The following RGS6 variants were observed in gnomAD, a reference collection of about 807,000 sequenced individuals.
The protein encoded by RGS6 is regulator of G-protein signaling 6.
In RGS6, 30 loss-of-function variants were observed where a neutral mutation model predicts 78.5. The ratio of observed to expected loss-of-function variants is 0.38; its 90% confidence interval spans 0.29 to 0.52. The LOEUF is 0.52. Among genes scored for constraint, RGS6 ranks in the 20% least tolerant of loss-of-function variants. The pLI is 0.85. For synonymous variants in RGS6, 206 were observed against 206.0 expected (o/e 1.00, Z 0.00); for missense variants, 495 against 609.7 (o/e 0.81, Z 1.98).
At chr14:72,057,367 A>T (rs994952908) in intron 2 of RGS6, among the ~76,000 whole-genome samples, 3 of 145,180 alleles carry the variant, frequency 2.1e-5, no homozygotes, top group African/African-American at 7.7e-5. Context: ...AGGCACATTT[A>T]TGTCTACCTA....
At chr14:72,173,490 C>G (rs1386988363) in intron 2 of RGS6, among the ~76,000 whole-genome samples, 1 of 152,222 alleles carries the variant, frequency 6.6e-6, no homozygotes, top group East Asian at 1.9e-4. Flanking sequence ...ACGGCAGGAT[C>G]AGATGCCATC....
At chr14:72,541,605 G>A (rs976894860) in intron 17 of RGS6, 4 of 1,535,648 alleles carry the variant, frequency 2.6e-6, no homozygotes, top group South Asian at 1.2e-5. Flanking sequence ...TTCACTCCAT[G>A]ATGGCCTGAG....
At chr14:72,207,924 G>A in intron 2 of RGS6, among the ~76,000 whole-genome samples, 1 of 152,318 alleles carries the variant, frequency 6.6e-6, no homozygotes, top group Non-Finnish European at 1.5e-5. Context: ...TGGAGGAAGT[G>A]AATGAATATC....
In RGS6 at chr14:72,410,665, T is replaced by A. The variant is rs1042985187; in HGVS notation, c.185-43863T>A. Among the ~76,000 whole-genome samples, 230 of 152,310 alleles carry A rather than the reference T, an allele frequency of 1.5e-3. 2 individuals are homozygous for A. The highest frequency in any genetic ancestry group is 2.5e-3 in the Non-Finnish European group (172 of 68,014). On this transcript the variant is annotated intron_variant, in intron 3 of 17. Coordinates refer to ENST00000553525, the MANE Select transcript of RGS6 (RefSeq NM_001204424.2). ...GCCCACGCCTATGTCCTGAATGGTATTGCCTAGGTTTTCTTGTAGGGTTTT... is the reference window on the plus strand; with the variant it reads ...GCCCACGCCTATGTCCTGAATGGTAATGCCTAGGTTTTCTTGTAGGGTTTT...
chr14:72,490,542 T>C (rs1357536929), intron 12 of RGS6, among the ~76,000 whole-genome samples: 1 of 152,208 alleles, frequency 6.6e-6, no homozygotes, highest in African/African-American at 2.4e-5. Flanking sequence ...TTTATATTTG[T>C]AGAGGATTGT....
At chr14:72,509,945 C>T (rs548250284) in intron 13 of RGS6, among the ~76,000 whole-genome samples, 2 of 152,286 alleles carry the variant, frequency 1.3e-5, no homozygotes, top group Admixed American at 1.3e-4. Flanking sequence ...TAACATGCCT[C>T]CTTAAAGAAA....
At chr14:72,126,962 T>C (rs2096209683) in intron 2 of RGS6, among the ~76,000 whole-genome samples, 1 of 152,198 alleles carries the variant, frequency 6.6e-6, no homozygotes, top group Admixed American at 6.5e-5. Context: ...GGTGGGGAAC[T>C]GGGGAGGCAT....
At chr14:71,994,124 G>A (rs886196266) in intron 2 of RGS6, among the ~76,000 whole-genome samples, 2 of 151,942 alleles carry the variant, frequency 1.3e-5, no homozygotes, top group Admixed American at 6.6e-5. Context: ...TGGGCAAACA[G>A]ACCTGATCCA....
At chr14:72,555,728 C>T (rs2097565341) in intron 17 of RGS6, among the ~76,000 whole-genome samples, 1 of 152,350 alleles carries the variant, frequency 6.6e-6, no homozygotes, top group African/African-American at 2.4e-5. Flanking sequence ...AGTCTGTTTC[C>T]TTGTTCGTTT....
chr14:72,266,875 C>T (rs1232479031), intron 2 of RGS6, among the ~76,000 whole-genome samples: 2 of 152,214 alleles, frequency 1.3e-5, no homozygotes, highest in African/African-American at 4.8e-5. Context: ...TCCTGCGGTG[C>T]AGCACCTCAG....
intron 12 of RGS6, among the ~76,000 whole-genome samples, chr14:72,492,714 C>T (rs528263318): frequency 7.9e-5 from 12 of 152,244 alleles, no homozygotes; most frequent in Admixed American, 3.3e-4. Flanking sequence ...AGCCCCTCCC[C>T]GACCCTGCTC....
chr14:72,262,564 A>C (rs950107323), intron 2 of RGS6, among the ~76,000 whole-genome samples: 1 of 152,224 alleles, frequency 6.6e-6, no homozygotes, highest in Non-Finnish European at 1.5e-5. Flanking sequence ...TTAAGGTTTC[A>C]ACATATAAAT....
At chr14:72,550,809 T>G in intron 17 of RGS6, 1 of 523,390 alleles carries the variant, frequency 1.9e-6, no homozygotes. Flanking sequence ...GCTTGCTTGC[T>G]TGCTTTTTGT....
At chr14:72,241,858 A>G (rs1045664888) in intron 2 of RGS6, among the ~76,000 whole-genome samples, 1 of 152,256 alleles carries the variant, frequency 6.6e-6, no homozygotes. Context: ...CCAGTCCACT[A>G]GAAACATTCC....
the RGS6 span, among the ~76,000 whole-genome samples, chr14:71,917,076 G>T: frequency 2.6e-5 from 4 of 152,198 alleles, no homozygotes; most frequent in Non-Finnish European, 4.4e-5. Flanking sequence ...CTTTGGGACT[G>T]CACTCATGGG....
At chr14:72,517,861 T>C (rs2096973133) in intron 14 of RGS6, among the ~76,000 whole-genome samples, 1 of 152,214 alleles carries the variant, frequency 6.6e-6, no homozygotes, top group South Asian at 2.1e-4. Flanking sequence ...CATGGTGGCA[T>C]GTATGTAGCA....
At chr14:71,961,477 G>A (rs563705115) in intron 1 of RGS6, among the ~76,000 whole-genome samples, 2 of 152,150 alleles carry the variant, frequency 1.3e-5, no homozygotes, top group South Asian at 2.1e-4. Context: ...TGGGGCTATG[G>A]TGTGTGACAG....
chr14:72,515,160 AG>A (rs1229015485), intron 14 of RGS6, among the ~76,000 whole-genome samples: 1 of 152,114 alleles, frequency 6.6e-6, no homozygotes, highest in Non-Finnish European at 1.5e-5. Flanking sequence ...GAGAGTCCCC[AG>A]TGTGTGCAGG....
chr14:72,239,577 A>G (rs2052200753), intron 2 of RGS6, among the ~76,000 whole-genome samples: 1 of 152,118 alleles, frequency 6.6e-6, no homozygotes, highest in African/African-American at 2.4e-5. Context: ...CTGTCTAACT[A>G]CCTGTAACAC....
Sources: gnomAD v4.1 joint callset for allele counts (sites outside exome capture counted in the v4.1 genomes callset) on GRCh38, gnomAD v4.1.1 for gene constraint, MANE v1.5 for transcripts, NCBI Gene and HGNC (gene_info 2026-07-23, HGNC 2026-07-21) for gene names.